SHISA6: variants seen among roughly 807,000 people sequenced by gnomAD.
SHISA6 encodes the protein shisa family member 6, also known as protein shisa-6.
In SHISA6, 22 loss-of-function variants were observed where a neutral mutation model predicts 47.9. That is an observed-to-expected ratio of 0.46 (90% confidence interval 0.33 to 0.66). The LOEUF (loss-of-function observed/expected upper bound fraction) is 0.66. Among genes scored for constraint, SHISA6 ranks in the 30% least tolerant of loss-of-function variants. The pLI is 0.02. For synonymous variants in SHISA6, 388 were observed against 337.8 expected (o/e 1.15, Z -1.63); for missense variants, 680 against 764.6 (o/e 0.89, Z 1.30).
chr17:11,512,967 C>T (rs2071553551), intron 3 of SHISA6, among the ~76,000 whole-genome samples: 1 of 151,834 alleles, frequency 6.6e-6, no homozygotes. Context: ...TCAATTATTT[C>T]CTTAGGATCT....
At chr17:11,326,741 A>G (rs902301915) in intron 2 of SHISA6, among the ~76,000 whole-genome samples, 1 of 152,214 alleles carries the variant, frequency 6.6e-6, no homozygotes, top group African/African-American at 2.4e-5. Context: ...CCTTGGAGGC[A>G]TAGATTGAAC....
chr17:11,457,527 C>G (rs1433387518), intron 3 of SHISA6, among the ~76,000 whole-genome samples: 1 of 141,260 alleles, frequency 7.1e-6, no homozygotes, highest in South Asian at 2.3e-4. Context: ...GTCAGGAGTT[C>G]GAGACCAGCC....
At position 11,400,332 on chromosome 17, in the gene SHISA6, A is replaced by G. The variant is rs576767720; in HGVS notation, c.895+20823A>G. 4.5e-4 allele frequency among the ~76,000 whole-genome samples: 69 copies of G among 152,254 alleles called. 1 individual carries two copies. Among genetic ancestry groups the G allele is most frequent in the Non-Finnish European group, 8.8e-4 (60 of 68,016 alleles). ...GAGTCAGCATCTTCTCTCCAAAACC[A>G]ACTTCTTTTTGTGATGAAAAGTCAT... On this transcript the variant is annotated intron_variant, in intron 3 of 5. Coordinates refer to ENST00000441885, the MANE Select transcript of SHISA6 (RefSeq NM_207386.4).
At chr17:11,358,879 G>A (rs941053886) in intron 2 of SHISA6, among the ~76,000 whole-genome samples, 1 of 151,782 alleles carries the variant, frequency 6.6e-6, no homozygotes, top group Non-Finnish European at 1.5e-5. Context: ...GGCTGGTCTC[G>A]AACTCCTGAG....
chr17:11,374,660 T>A (rs1912734766), intron 2 of SHISA6, among the ~76,000 whole-genome samples: 1 of 152,076 alleles, frequency 6.6e-6, no homozygotes, highest in African/African-American at 2.4e-5. Flanking sequence ...AGGAATGGAA[T>A]CAAAACATCT....
chr17:11,352,792 G>C (rs376225135), intron 2 of SHISA6, among the ~76,000 whole-genome samples: 2 of 152,290 alleles, frequency 1.3e-5, no homozygotes, highest in African/African-American at 4.8e-5. Context: ...TACTTTCTCC[G>C]TTGCAAACAG....
intron 3 of SHISA6, among the ~76,000 whole-genome samples, chr17:11,535,653 C>G (rs1355789948): frequency 6.6e-6 from 1 of 152,224 alleles, no homozygotes; most frequent in African/African-American, 2.4e-5. Flanking sequence ...TTTGCACGTT[C>G]TGGCAAAACC....
intron 2 of SHISA6, among the ~76,000 whole-genome samples, chr17:11,270,501 C>T (rs1908598409): frequency 6.6e-6 from 1 of 152,094 alleles, no homozygotes; most frequent in Non-Finnish European, 1.5e-5. Context: ...GACCTTAGTC[C>T]AGGGCTCTTA....
At chr17:11,413,221 C>G (rs11078020) in intron 3 of SHISA6, among the ~76,000 whole-genome samples, 1 of 152,080 alleles carries the variant, frequency 6.6e-6, no homozygotes, top group African/African-American at 2.4e-5. Flanking sequence ...ACAGATCACC[C>G]TAACTCCAGT....
chr17:11,489,249 A>G (rs940490809), intron 3 of SHISA6, among the ~76,000 whole-genome samples: 4 of 151,848 alleles, frequency 2.6e-5, no homozygotes, highest in Non-Finnish European at 5.9e-5. Context: ...AATTTTATGA[A>G]AATCTTTCTC....
At chr17:11,440,735 C>T (rs946755507) in intron 3 of SHISA6, among the ~76,000 whole-genome samples, 4 of 151,742 alleles carry the variant, frequency 2.6e-5, no homozygotes, top group Middle Eastern at 3.2e-3. Flanking sequence ...AGTCTTACTG[C>T]CAAAACCACC....
intron 1 of SHISA6, among the ~76,000 whole-genome samples, chr17:11,253,602 G>T (rs1907897923): frequency 6.6e-6 from 1 of 152,146 alleles, no homozygotes; most frequent in Admixed American, 6.5e-5. Context: ...GAATTTTTAT[G>T]TCTGTTTCGT....
intron 3 of SHISA6, among the ~76,000 whole-genome samples, chr17:11,425,581 G>A (rs1376702507): frequency 6.6e-6 from 1 of 152,102 alleles, no homozygotes; most frequent in African/African-American, 2.4e-5. Flanking sequence ...AGAGAATTCA[G>A]CCCAAATTGG....
At chr17:11,468,960 G>A (rs1335460913) in intron 3 of SHISA6, among the ~76,000 whole-genome samples, 1 of 137,566 alleles carries the variant, frequency 7.3e-6, no homozygotes, top group East Asian at 2.3e-4. Context: ...AGGTTGCAGT[G>A]AGCCGCCAAG....
In SHISA6 at chr17:11,434,013, C is replaced by T. The variant is rs1011024008; in HGVS notation, c.895+54504C>T. ...CCCGCAGCATGCCCAGAACCACATG[C>T]GGTATATCCCAGGACACTCCTTGTT... On this transcript the variant is annotated intron_variant, in intron 3 of 5. Transcript: ENST00000441885. 2.6e-5 allele frequency among the ~76,000 whole-genome samples: 4 copies of T among 151,430 alleles called. No individual in the cohort carries two copies. The East Asian group carries it at 5.8e-4, about 22-fold the overall frequency.
intron 2 of SHISA6, among the ~76,000 whole-genome samples, chr17:11,284,588 C>T (rs943630251): frequency 6.6e-6 from 1 of 152,124 alleles, no homozygotes; most frequent in Admixed American, 6.5e-5. Flanking sequence ...GTTTTTAGTG[C>T]ATTTTCTTCT....
intron 2 of SHISA6, among the ~76,000 whole-genome samples, chr17:11,330,961 G>A (rs1312063962): frequency 6.6e-6 from 1 of 152,160 alleles, no homozygotes; most frequent in East Asian, 1.9e-4. Flanking sequence ...TACAGTCTTG[G>A]AAACTAGCAG....
chr17:11,241,546 G>C lies in SHISA6; in HGVS notation c.124G>C (p.Val42Leu). The change falls in exon 1 of 6, where the codon GTC becomes CTC. Residue 42 changes from valine (V) to leucine (L), a missense_variant. Around this residue, in one of 2 missense-constraint regions of SHISA6, gnomAD observed 121 missense variants for 90.5 expected, o/e 1.34. Transcript: ENST00000441885. This position sits in a 1 kb window ranked among gnomAD's most constrained non-coding sequence, Gnocchi z 5.5. ...NRTLSAGGAA[V>L]GGRRAGGALA... is the part of the protein sequence containing the mutation. ...GACCCTGAGTGCAGGCGGCGCTGCC[G>C]TCGGGGGCCGGAGGGCCGGGGGCGC... 9.2e-7 allele frequency: 1 copy of C among 1,085,510 alleles called. No homozygotes were observed. 67.2% of individuals were successfully genotyped at this position (1,085,510 alleles called of 1,614,324 possible). A position where few individuals can be genotyped will look rare whatever the true frequency, so the allele number is the denominator to read the frequency against.
chr17:11,473,479 G>T (rs1235910489), intron 3 of SHISA6, among the ~76,000 whole-genome samples: 1 of 152,128 alleles, frequency 6.6e-6, no homozygotes, highest in East Asian at 1.9e-4. Context: ...CAGAAGAGTA[G>T]AAGGGCAAAG....
Sources: gnomAD v4.1 joint callset for allele counts (sites outside exome capture counted in the v4.1 genomes callset) on GRCh38, gnomAD v4.1.1 for gene constraint, gnomAD v4.1.1 regional missense constraint, Gnocchi (gnomAD v3.1) non-coding constraint, MANE v1.5 for transcripts, NCBI Gene and HGNC (gene_info 2026-07-23, HGNC 2026-07-21) for gene names.